The following TMEM231 variants were observed in gnomAD, a reference collection of about 807,000 sequenced individuals.
The protein encoded by TMEM231 is transmembrane protein 231.
Under a neutral mutation model 38.5 loss-of-function variants are expected in TMEM231, and 40 were observed. That is an observed-to-expected ratio of 1.04 (90% CI 0.81 to 1.35). TMEM231 has a LOEUF of 1.35. Among genes scored for constraint, TMEM231 ranks in the 40% most tolerant of loss-of-function variants. The pLI, the probability that TMEM231 is intolerant of heterozygous loss-of-function variation, is 0.00. For missense variants in TMEM231, 420 were observed against 416.9 expected (o/e 1.01, Z -0.07); for synonymous variants, 199 against 181.7 (o/e 1.10, Z -0.77).
intron 2 of TMEM231, among the ~76,000 whole-genome samples, chr16:75,552,223 G>A (rs767692903): frequency 2.6e-5 from 4 of 152,154 alleles, no homozygotes; most frequent in African/African-American, 7.2e-5. Flanking sequence ...GGAGGCCGAG[G>A]CAGGCAGATC....
chr16:75,541,107 G>A (rs781284313), intron 6 of TMEM231, among the ~76,000 whole-genome samples: 1 of 151,928 alleles, frequency 6.6e-6, no homozygotes, highest in Non-Finnish European at 1.5e-5. Flanking sequence ...TTGAATTCCT[G>A]GACTCAAGCA....
At chr16:75,546,081 A>G in intron 2 of TMEM231, 127 bp from the exon 3 acceptor site, 1 of 1,547,098 alleles carries the variant, frequency 6.5e-7, no homozygotes, top group East Asian at 2.5e-5. Context: ...TCCTCCACTA[A>G]AAGAGAAAAG....
At chr16:75,556,022 C>A (rs1340316039) in intron 1 of TMEM231, 49 bp from the exon 2 acceptor site, 2 of 1,569,246 alleles carry the variant, frequency 1.3e-6, no homozygotes, top group East Asian at 2.4e-5. Flanking sequence ...CCGGCCCTGG[C>A]CGAGCGCGCC....
rs1391204698 is a variant in TMEM231 at position 75,538,531 on chromosome 16, G to A, written c.*1463C>T. 1 of 151,992 alleles carries A rather than the reference G, an allele frequency of 6.6e-6. No individual in the cohort carries two copies. Among genetic ancestry groups the A allele is most frequent in the African/African-American group, 2.4e-5 (1 of 41,354 alleles). The allele number at this position is 151,992 out of a possible 1,614,324, so 9.4% of individuals were successfully genotyped here. ...GCCTGAATATTAAAAAAAGACAAGG[G>A]GGTCAGTGTTAGGGAATTCCTCTGC... On this transcript the variant is annotated 3_prime_UTR_variant, in exon 7 of 7. Coordinates refer to ENST00000258173, the MANE Select transcript of TMEM231 (RefSeq NM_001077418.3).
At chr16:75,546,858 T>C (rs1007874599) in intron 2 of TMEM231, among the ~76,000 whole-genome samples, 2 of 152,174 alleles carry the variant, frequency 1.3e-5, no homozygotes, top group African/African-American at 4.8e-5. Flanking sequence ...CATCTTTTAG[T>C]AGCAATCAAT....
chr16:75,550,969 G>A (rs909962284), intron 2 of TMEM231, among the ~76,000 whole-genome samples: 3 of 152,004 alleles, frequency 2.0e-5, no homozygotes, highest in Admixed American at 6.6e-5. Flanking sequence ...CATCCGCCTC[G>A]GCCTCCCAAA....
At chr16:75,546,057 C>G in intron 2 of TMEM231, 103 bp from the exon 3 acceptor site, 1 of 1,553,302 alleles carries the variant, frequency 6.4e-7, no homozygotes, top group Non-Finnish European at 8.7e-7. Flanking sequence ...TTGCTGTACA[C>G]AACAGGCATT....
At chr16:75,549,506 G>A (rs2080731221) in intron 2 of TMEM231, among the ~76,000 whole-genome samples, 1 of 152,134 alleles carries the variant, frequency 6.6e-6, no homozygotes, top group Non-Finnish European at 1.5e-5. Context: ...ATAAATTGAG[G>A]GTGAGGTTAT....
chr16:75,542,381 T>G (rs2080637041), intron 5 of TMEM231, among the ~76,000 whole-genome samples: 1 of 151,680 alleles, frequency 6.6e-6, no homozygotes. Context: ...TAACCATCAC[T>G]AGCCTGCTGG....
chr16:75,543,674 GTTCT>G (rs2080651994), intron 4 of TMEM231, among the ~76,000 whole-genome samples: 1 of 152,168 alleles, frequency 6.6e-6, no homozygotes, highest in African/African-American at 2.4e-5. Flanking sequence ...TGGGTGCTAA[GTTCT>G]TTATCACTTT....
chr16:75,543,759 C>T (rs2080652678), intron 4 of TMEM231, among the ~76,000 whole-genome samples: 1 of 152,152 alleles, frequency 6.6e-6, no homozygotes, highest in Non-Finnish European at 1.5e-5. Context: ...TAATTGCTTG[C>T]TGTTAATGTA....
chr16:75,543,534 C>T (rs1017956974), intron 4 of TMEM231, among the ~76,000 whole-genome samples: 1 of 152,132 alleles, frequency 6.6e-6, no homozygotes, highest in Admixed American at 6.5e-5. Context: ...CATGCCACTC[C>T]ACTGTAGCCT....
At chr16:75,543,740 A>G (rs969684207) in intron 4 of TMEM231, among the ~76,000 whole-genome samples, 1 of 152,246 alleles carries the variant, frequency 6.6e-6, no homozygotes, top group Non-Finnish European at 1.5e-5. Flanking sequence ...AATCCCTTAA[A>G]GGAGGAAATA....
rs1012970180 is a variant in TMEM231, at chr16:75,539,191, G to C, written c.*803C>G. 3.3e-5 allele frequency: 5 copies of C among 152,024 alleles called. No homozygotes were observed. Among genetic ancestry groups the C allele is most frequent in the Middle Eastern group, 6.8e-3 (2 of 294 alleles). The allele number at this position is 152,024 out of a possible 1,614,324, so 9.4% of individuals were successfully genotyped here. On this transcript the variant is annotated 3_prime_UTR_variant, in exon 7 of 7. Transcript: ENST00000258173. ...TGCCCAGGCTGTTGGGTGAGGGCCA[G>C]AAAGAACCTGTTGTGACAATGCTTT...
At chr16:75,556,004 T>G (rs1173631526) in intron 1 of TMEM231, 31 bp from the exon 2 acceptor site, 11 of 1,585,094 alleles carry the variant, frequency 6.9e-6, no homozygotes, top group Non-Finnish European at 9.4e-6. Flanking sequence ...GGGAGGCGGT[T>G]AGGGAGGCCG....
intron 2 of TMEM231, among the ~76,000 whole-genome samples, chr16:75,551,720 G>C (rs1300078579): frequency 6.6e-6 from 1 of 152,134 alleles, no homozygotes; most frequent in Non-Finnish European, 1.5e-5. Context: ...CCAGCACTTT[G>C]GGAAGCCGAG....
rs866727770 is a variant in TMEM231, at chr16:75,542,241, G to A, written c.664+361C>T. Among the ~76,000 whole-genome samples, 63 of 151,072 alleles carry A rather than the reference G, an allele frequency of 4.2e-4. 1 individual carries two copies. The highest frequency in any genetic ancestry group is 3.2e-3 in the Admixed American group (49 of 15,200). On this transcript the variant is annotated intron_variant, in intron 5 of 6. Coordinates refer to ENST00000258173, the MANE Select transcript of TMEM231 (RefSeq NM_001077418.3). ...CACGTTCTCTGTTTTTCTCTGAAAA[G>A]CATGAACAGCAATTTGTCTTTGGCA...
rs1380078527 is a variant in TMEM231 at position 75,538,141 on chromosome 16, T to A, written c.*1853A>T. 1.3e-5 allele frequency: 2 copies of A among 152,096 alleles called. No homozygotes were observed. Among genetic ancestry groups the A allele is most frequent in the African/African-American group, 4.8e-5 (2 of 41,416 alleles). The allele number at this position is 152,096 out of a possible 1,614,324, so 9.4% of individuals were successfully genotyped here. Reference sequence around the variant, plus strand: ...CTTCCATTTTGACTTTTTTATTTATTTATTTATTTATTTTAACAGATAGGG... The same window carrying A: ...CTTCCATTTTGACTTTTTTATTTATATATTTATTTATTTTAACAGATAGGG... On this transcript the variant is annotated 3_prime_UTR_variant, in exon 7 of 7. Transcript: ENST00000258173.
chr16:75,548,690 G>A (rs576814662), intron 2 of TMEM231, among the ~76,000 whole-genome samples: 105 of 152,288 alleles, frequency 6.9e-4, no homozygotes, highest in African/African-American at 2.5e-3. Flanking sequence ...GCAACATGGC[G>A]ATACCCTGCC....
Sources: gnomAD v4.1 joint callset for allele counts (sites outside exome capture counted in the v4.1 genomes callset) on GRCh38, gnomAD v4.1.1 for gene constraint, MANE v1.5 for transcripts, NCBI Gene and HGNC (gene_info 2026-07-23, HGNC 2026-07-21) for gene names.